EIF4G3: variants seen among roughly 807,000 people sequenced by gnomAD.
The protein encoded by EIF4G3 is eukaryotic translation initiation factor 4 gamma 3, also known as eIF-4-gamma 3.
Under a neutral mutation model 186.4 loss-of-function variants are expected in EIF4G3, and 34 were observed. The ratio of observed to expected loss-of-function variants is 0.18; its 90% CI spans 0.14 to 0.24. EIF4G3 has a LOEUF of 0.24. Among genes scored for constraint, EIF4G3 ranks in the 10% least tolerant of loss-of-function variants. The pLI is 1.00. For synonymous variants in EIF4G3, 673 were observed against 679.5 expected, an observed-to-expected ratio of 0.99 and a Z score of 0.15; for missense variants, 1,536 against 1,948.5, an observed-to-expected ratio of 0.79 and a Z score of 3.99.
chr1:20,853,646 G>A lies in EIF4G3; in HGVS notation c.3465C>T (p.Asn1155=), dbSNP rs139628145. The A allele has an allele frequency of 1.8e-4, 285 of 1,613,858 alleles. No individual in the cohort carries two copies. In the African/African-American group the frequency reaches 2.3e-3, roughly 13 times the overall value. ...CTGGAGGTTGCAGGGCAGAGAATCT[G>A]TTTAAACTGGAAGCACTTGACCGTA... ...DALRSSASSL[N]RFSALQPPAP... The change falls in exon 27 of 37, where the codon AAC becomes AAT. Residue 1155 remains asparagine (N), a synonymous_variant. Coordinates refer to ENST00000602326, the MANE Select transcript of EIF4G3 (RefSeq NM_001391906.1).
At chr1:21,112,824 T>A (rs1228804276) in intron 2 of EIF4G3, among the ~76,000 whole-genome samples, 1 of 152,180 alleles carries the variant, frequency 6.6e-6, no homozygotes, top group Non-Finnish European at 1.5e-5. Context: ...ATACTCAAAG[T>A]GACTTTCTTC....
intron 3 of EIF4G3, among the ~76,000 whole-genome samples, chr1:21,059,304 C>G (rs2094755714): frequency 6.6e-6 from 1 of 152,096 alleles, no homozygotes; most frequent in Admixed American, 6.5e-5. Flanking sequence ...AATTTCTATA[C>G]TTTATGCTCC....
intron 29 of EIF4G3, among the ~76,000 whole-genome samples, chr1:20,849,098 G>A (rs1455023283): frequency 3.3e-5 from 5 of 150,116 alleles, no homozygotes. Context: ...TATATACAGG[G>A]TGCCAGAAAT....
At chr1:20,855,865 C>A (rs929580269) in intron 25 of EIF4G3, among the ~76,000 whole-genome samples, 2 of 152,098 alleles carry the variant, frequency 1.3e-5, no homozygotes, top group African/African-American at 4.8e-5. Flanking sequence ...TCTGAATACA[C>A]AAAGTTTATT....
At chr1:20,987,615 T>C (rs912123125) in intron 7 of EIF4G3, among the ~76,000 whole-genome samples, 1 of 152,220 alleles carries the variant, frequency 6.6e-6, no homozygotes, top group Admixed American at 6.5e-5. Context: ...GGGAGCGCCA[T>C]GAACTGCACC....
chr1:20,849,627 T>A (rs2072592018), intron 28 of EIF4G3, 97 bp from the exon 29 acceptor site: 1 of 511,130 alleles, frequency 2.0e-6, no homozygotes, highest in Non-Finnish European at 3.4e-6. Context: ...TTACATTATT[T>A]TAATAGCTAC....
intron 3 of EIF4G3, among the ~76,000 whole-genome samples, chr1:21,081,342 A>G (rs1226387004): frequency 6.6e-6 from 1 of 152,206 alleles, no homozygotes; most frequent in South Asian, 2.1e-4. Context: ...CTGAGGCAGG[A>G]GAATCACTTG....
At chr1:20,983,406 G>T (rs999770884) in intron 7 of EIF4G3, among the ~76,000 whole-genome samples, 1 of 152,106 alleles carries the variant, frequency 6.6e-6, no homozygotes, top group South Asian at 2.1e-4. Flanking sequence ...CACAGTTTTG[G>T]TGACAACATT....
intron 20 of EIF4G3, among the ~76,000 whole-genome samples, chr1:20,867,571 T>A (rs970269765): frequency 2.0e-5 from 3 of 152,134 alleles, no homozygotes; most frequent in African/African-American, 7.2e-5. Context: ...GAGGATCAAA[T>A]GAGGTATCTA....
chr1:21,164,452 C>T (rs147374689), intron 2 of EIF4G3, among the ~76,000 whole-genome samples: 88 of 152,182 alleles, frequency 5.8e-4, no homozygotes, highest in African/African-American at 2.0e-3. Context: ...CAAGGCTGGG[C>T]GGGGTGGCTG....
At chr1:20,867,598 G>A (rs2077866883) in intron 20 of EIF4G3, among the ~76,000 whole-genome samples, 1 of 152,082 alleles carries the variant, frequency 6.6e-6, no homozygotes, top group African/African-American at 2.4e-5. Flanking sequence ...AGCAAATAGT[G>A]GCTGACACAC....
intron 2 of EIF4G3, among the ~76,000 whole-genome samples, chr1:21,132,067 T>C (rs1161414840): frequency 1.3e-5 from 2 of 152,024 alleles, no homozygotes; most frequent in African/African-American, 2.4e-5. Context: ...ATGAAGGCAA[T>C]AGAAAGATCA....
intron 2 of EIF4G3, among the ~76,000 whole-genome samples, chr1:21,138,634 A>G (rs2097288395): frequency 1.3e-5 from 2 of 152,080 alleles, no homozygotes; most frequent in Admixed American, 1.3e-4. Context: ...CCTGGTCAAC[A>G]TGGCCAAACC....
intron 2 of EIF4G3, among the ~76,000 whole-genome samples, chr1:21,131,321 G>GA (rs201823220): frequency 0.32 from 39,096 of 120,596 alleles, 6,208 homozygotes; most frequent in East Asian, 0.44. Context: ...ACATAGGGAA[G>GA]AAAAAAAAAA....
chr1:20,878,069 G>A (rs909013902), intron 20 of EIF4G3, among the ~76,000 whole-genome samples: 4 of 152,096 alleles, frequency 2.6e-5, no homozygotes, highest in Non-Finnish European at 5.9e-5. Context: ...GTTTCCCCAT[G>A]TTGCCCAGGC....
At chr1:20,939,396 GTTCACAATACTAATA>G (rs899803974) in intron 14 of EIF4G3, among the ~76,000 whole-genome samples, 3 of 152,126 alleles carry the variant, frequency 2.0e-5, no homozygotes, top group Non-Finnish European at 2.9e-5. Context: ...AGGTGCTGGT[GTTCACAATACTAATA>G]TTGAGAGCAT....
chr1:20,881,000 CAA>C (rs768219524), intron 19 of EIF4G3, among the ~76,000 whole-genome samples: 4 of 140,030 alleles, frequency 2.9e-5, no homozygotes, highest in Admixed American at 7.3e-5. Flanking sequence ...CACACACACA[CAA>C]ATACAAAACC....
At chr1:21,080,499 A>C (rs2095741071) in intron 3 of EIF4G3, among the ~76,000 whole-genome samples, 1 of 151,876 alleles carries the variant, frequency 6.6e-6, no homozygotes, top group Admixed American at 6.6e-5. Flanking sequence ...ATTTATAGGA[A>C]TTTCTTTCTT....
rs576278631 is a variant in EIF4G3 at position 20,915,305 on chromosome 1, A to G, written c.1664-10334T>C. Reference sequence around the variant, plus strand: ...TTTGCAAATACTTGAGGAAGAAACAATATCAATTTTACACCAACTTTCCCA... The same window carrying G: ...TTTGCAAATACTTGAGGAAGAAACAGTATCAATTTTACACCAACTTTCCCA... On this transcript the variant is annotated intron_variant, in intron 14 of 36. Transcript: ENST00000602326. 5.3e-5 allele frequency among the ~76,000 whole-genome samples: 8 copies of G among 152,286 alleles called. No homozygotes were observed. In the South Asian group the frequency reaches 1.0e-3, roughly 20 times the overall value.
Sources: allele counts gnomAD v4.1 joint callset (sites outside exome capture counted in the v4.1 genomes callset), GRCh38; gene constraint gnomAD v4.1.1; transcripts MANE v1.5; gene names NCBI Gene and HGNC (gene_info 2026-07-23, HGNC 2026-07-21).